The following AFF4 variants were observed in gnomAD, a reference collection of about 807,000 sequenced individuals.
AFF4 encodes the protein AF4/FMR2 family member 4.
AFF4 carries 13 observed loss-of-function variants against 124.8 expected under a neutral mutation model. The observed-to-expected ratio is 0.10, with a 90% CI of 0.07 to 0.17. The LOEUF (loss-of-function observed/expected upper bound fraction) is 0.17. AFF4 is among the 10% of genes least tolerant of loss of function. AFF4 has a pLI of 1.00. For synonymous variants in AFF4, 477 were observed against 496.1 expected, an observed-to-expected ratio of 0.96 and a Z score of 0.51; for missense variants, 1,092 against 1,403.8, an observed-to-expected ratio of 0.78 and a Z score of 3.55.
chr5:132,951,526 C>A (rs904977386), intron 1 of AFF4, among the ~76,000 whole-genome samples: 1 of 152,056 alleles, frequency 6.6e-6, no homozygotes, highest in Non-Finnish European at 1.5e-5. Context: ...TCAGGAATTT[C>A]TTTTCTTTTT....
chr5:132,945,463 C>T (rs1435118737), intron 1 of AFF4: 2 of 152,256 alleles, frequency 1.3e-5, no homozygotes, highest in African/African-American at 4.8e-5. Flanking sequence ...CTTTTAAAAA[C>T]AAACAACACT....
At position 132,912,493 on chromosome 5, in the gene AFF4, T is replaced by C. The variant is rs116938168; in HGVS notation, c.1051-8089A>G. On this transcript the variant is annotated intron_variant, in intron 5 of 20. Coordinates refer to ENST00000265343, the MANE Select transcript of AFF4 (RefSeq NM_014423.4). Reference sequence around the variant, plus strand: ...TTCCCACCTCGGCCTCCTGAGCAGCTGGGACCACAGGTACGTATCACCACA... The same window carrying C: ...TTCCCACCTCGGCCTCCTGAGCAGCCGGGACCACAGGTACGTATCACCACA... Among the ~76,000 whole-genome samples the C allele has an allele frequency of 1.0e-3, 152 of 152,210 alleles. 1 individual carries two copies. In the East Asian group the frequency reaches 0.028, roughly 28 times the overall value.
intron 5 of AFF4, among the ~76,000 whole-genome samples, chr5:132,911,653 C>T (rs528018659): frequency 6.6e-6 from 1 of 150,516 alleles, no homozygotes; most frequent in African/African-American, 2.4e-5. Flanking sequence ...TTGAAGACGA[C>T]GACAAAAGGG....
At chr5:132,908,113 C>T (rs1760710927) in intron 5 of AFF4, among the ~76,000 whole-genome samples, 1 of 151,314 alleles carries the variant, frequency 6.6e-6, no homozygotes, top group Admixed American at 6.6e-5. Flanking sequence ...AGTTTGTCTT[C>T]CAGCTTTTTT....
chr5:132,907,624 A>ATG (rs143864697), intron 5 of AFF4, among the ~76,000 whole-genome samples: 88 of 151,562 alleles, frequency 5.8e-4, no homozygotes, highest in East Asian at 4.1e-3. Flanking sequence ...ATGTGTGCAT[A>ATG]TGTGTGTGTG....
intron 19 of AFF4, 90 bp from the exon 20 acceptor site, chr5:132,883,650 T>C: frequency 8.7e-7 from 1 of 1,149,452 alleles, no homozygotes; most frequent in South Asian, 1.4e-5. Flanking sequence ...TGAAAGCATT[T>C]AAAATGTAAA....
At chr5:132,912,732 A>C (rs1238620293) in intron 5 of AFF4, among the ~76,000 whole-genome samples, 1 of 152,172 alleles carries the variant, frequency 6.6e-6, no homozygotes, top group Non-Finnish European at 1.5e-5. Context: ...GTGGAAGTAA[A>C]ACATAAACAA....
intron 5 of AFF4, among the ~76,000 whole-genome samples, chr5:132,908,757 C>CATATATAT (rs1206698351): frequency 4.4e-5 from 6 of 136,156 alleles, no homozygotes; most frequent in African/African-American, 1.6e-4. Flanking sequence ...TATATATATA[C>CATATATAT]ATATATATAT....
At chr5:132,885,143 TAACA>T in intron 18 of AFF4, 24 bp from the exon 19 acceptor site, 1 of 1,565,898 alleles carries the variant, frequency 6.4e-7, no homozygotes, top group Non-Finnish European at 8.7e-7. Context: ...AAAATGTACT[TAACA>T]ACAACAAAAA....
chr5:132,962,823 G>T (rs1306472256), intron 1 of AFF4, among the ~76,000 whole-genome samples: 4 of 148,036 alleles, frequency 2.7e-5, no homozygotes, highest in Non-Finnish European at 3.0e-5. Flanking sequence ...TTTTTTTTGC[G>T]GGGGTGGGGG....
In AFF4 at chr5:132,943,204, T is replaced by C. The variant is rs115826469; in HGVS notation, c.-4-6011A>G. 803 of 178,806 alleles carry C rather than the reference T, an allele frequency of 4.5e-3. 5 individuals carry two copies. The highest frequency in any genetic ancestry group is 0.018 in the African/African-American group (752 of 42,264). 11.1% of individuals were successfully genotyped at this position (178,806 alleles called of 1,614,324 possible). ...TACACACTGGGTGTGAAACAGCTAA[T>C]TGCTGGAGTTAACAAAATGGATTCC... On this transcript the variant is annotated intron_variant, in intron 1 of 20. Transcript: ENST00000265343.
At chr5:132,927,029 T>C (rs1315014633) in intron 5 of AFF4, 92 bp downstream of exon 5, 6 of 1,027,322 alleles carry the variant, frequency 5.8e-6, no homozygotes, top group Non-Finnish European at 8.7e-6. Context: ...CCCACTAGAA[T>C]AGGAATGGCA....
At position 132,913,914 on chromosome 5, in the gene AFF4, CAGTT is replaced by C. The variant is rs371562754; in HGVS notation, c.1051-9514_1051-9511del. ...ATCTCCAAATATTTGGGAACCAACA[CAGTT>C]AGATATAATCCAAAAAACAAGAAAT... On this transcript the variant is annotated intron_variant, in intron 5 of 20. Transcript: ENST00000265343. Among the ~76,000 whole-genome samples, 159 of 152,218 alleles carry C rather than the reference CAGTT, an allele frequency of 1.0e-3. 1 individual carries two copies. Among genetic ancestry groups the C allele is most frequent in the East Asian group, 7.9e-3 (41 of 5,174 alleles).
Position 132,892,224 on chromosome 5 carries a change from G to A in AFF4, c.2577C>T (p.Ser859=), listed in dbSNP as rs758661822. The change falls in exon 13 of 21, where the codon TCC becomes TCT. Residue 859 remains serine, a synonymous_variant. Transcript: ENST00000265343. ...KETSGSSKNS[S]STSKQKKTEG... is the part of the protein sequence containing the mutation. ...CGGTCTTCTTCTGCTTTGATGTGGA[G>A]GAACTGTTTTTGCTGCTGCCACTCG... is the stretch of plus-strand genomic sequence containing the variant. 1 of 1,614,080 alleles carries A rather than the reference G, an allele frequency of 6.2e-7. No individual in the cohort carries two copies. The highest frequency in any genetic ancestry group is 8.5e-7 in the Non-Finnish European group (1 of 1,180,018).
chr5:132,952,687 A>G (rs4705875), intron 1 of AFF4, among the ~76,000 whole-genome samples: 17,540 of 152,242 alleles, frequency 0.12, 1,278 homozygotes, highest in South Asian at 0.2. Flanking sequence ...TGAGGTCAGG[A>G]GTTCAAGACC....
chr5:132,909,454 T>A (rs1196929245), intron 5 of AFF4, among the ~76,000 whole-genome samples: 1 of 152,230 alleles, frequency 6.6e-6, no homozygotes, highest in Non-Finnish European at 1.5e-5. Flanking sequence ...ACATCATCTT[T>A]ACTCTGAAGA....
chr5:132,907,265 GT>G (rs1215494950), intron 5 of AFF4, among the ~76,000 whole-genome samples: 1 of 152,026 alleles, frequency 6.6e-6, no homozygotes, highest in Non-Finnish European at 1.5e-5. Context: ...GCCTGTAGAA[GT>G]TTACCCTTCT....
Position 132,883,600 on chromosome 5 carries a change from G to A in AFF4, c.3144-40C>T, listed in dbSNP as rs376991875. 7 of 1,575,012 alleles carry A rather than the reference G, an allele frequency of 4.4e-6. No homozygotes were observed. In the Middle Eastern group the frequency reaches 6.4e-4, roughly 143 times the overall value. ...TAGGAAGCTTGTTCATATGGACATGGTAAGCATTATAAAATCAAGTACTAC... is the reference window on the plus strand; with the variant it reads ...TAGGAAGCTTGTTCATATGGACATGATAAGCATTATAAAATCAAGTACTAC... On this transcript the variant is annotated intron_variant, in intron 19 of 20. Transcript: ENST00000265343.
chr5:132,935,022 C>G, intron 2 of AFF4, 81 bp from the exon 3 acceptor site: 1 of 1,196,632 alleles, frequency 8.4e-7, no homozygotes, highest in Non-Finnish European at 1.1e-6. Flanking sequence ...ATTTTCCAAA[C>G]TTCGAATGGA....
Sources: gnomAD v4.1 joint callset for allele counts (sites outside exome capture counted in the v4.1 genomes callset) on GRCh38, gnomAD v4.1.1 for gene constraint, MANE v1.5 for transcripts, NCBI Gene and HGNC (gene_info 2026-07-23, HGNC 2026-07-21) for gene names.